Variants in MYEF2 observed in about 807,000 individuals in gnomAD.
MYEF2 encodes myelin expression factor 2.
Under a neutral mutation model 75.2 loss-of-function variants are expected in MYEF2, and 37 were observed. That is an observed-to-expected ratio of 0.49 (90% CI 0.38 to 0.65). The LOEUF is 0.65. Among genes scored for constraint, MYEF2 ranks in the 30% least tolerant of loss-of-function variants. The pLI is 0.00. For synonymous variants in MYEF2, 195 were observed against 241.6 expected (o/e 0.81, Z 1.79); for missense variants, 634 against 771.4 (o/e 0.82, Z 2.11).
rs745561921 is a variant in MYEF2 at position 48,159,433 on chromosome 15, C to CGT, written c.717+178_717+179dup. Among the ~76,000 whole-genome samples the CGT allele has an allele frequency of 2.2e-3, 337 of 150,394 alleles. 2 individuals are homozygous for CGT. Among genetic ancestry groups the CGT allele is most frequent in the African/African-American group, 6.6e-3 (273 of 41,120 alleles). Reference sequence around the variant, plus strand: ...GTTGTATTTAAACTCTAACCTTGTGCGTGTGTGTGTGTGTGTATATATATG... The same window carrying CGT: ...GTTGTATTTAAACTCTAACCTTGTGCGTGTGTGTGTGTGTGTGTATATATATG... On this transcript the variant is annotated intron_variant, in intron 6 of 16. Coordinates refer to ENST00000324324, the MANE Select transcript of MYEF2 (RefSeq NM_016132.5).
chr15:48,147,788 C>A (rs2039345549), intron 16 of MYEF2, among the ~76,000 whole-genome samples: 1 of 151,936 alleles, frequency 6.6e-6, no homozygotes, highest in African/African-American at 2.4e-5. Flanking sequence ...TCTTTGAGGG[C>A]AGGAGCATCT....
intron 1 of MYEF2, among the ~76,000 whole-genome samples, chr15:48,175,220 A>G (rs2140946279): frequency 6.6e-6 from 1 of 152,274 alleles, no homozygotes; most frequent in Non-Finnish European, 1.5e-5. Context: ...CAGACTCAGA[A>G]AGACAAATGC....
intron 6 of MYEF2, 123 bp from the exon 7 acceptor site, chr15:48,159,045 T>C (rs550739297): frequency 2.5e-6 from 2 of 793,782 alleles, no homozygotes; most frequent in African/African-American, 3.5e-5. Flanking sequence ...AACAATATAT[T>C]GATAATGTTC....
At chr15:48,147,616 T>C (rs1432268171) in intron 16 of MYEF2, among the ~76,000 whole-genome samples, 2 of 152,000 alleles carry the variant, frequency 1.3e-5, no homozygotes, top group Non-Finnish European at 2.9e-5. Flanking sequence ...AGAAGACCAA[T>C]ACCTCAAGGC....
At chr15:48,175,417 T>A (rs1048167704) in intron 1 of MYEF2, among the ~76,000 whole-genome samples, 2 of 152,142 alleles carry the variant, frequency 1.3e-5, no homozygotes, top group South Asian at 2.1e-4. Flanking sequence ...CTTAACATAT[T>A]TACTGTATAC....
At chr15:48,172,661 T>C (rs965957585) in intron 1 of MYEF2, among the ~76,000 whole-genome samples, 2 of 149,754 alleles carry the variant, frequency 1.3e-5, no homozygotes, top group African/African-American at 4.9e-5. Flanking sequence ...AATAGAAAAA[T>C]ATATAAAGAA....
At chr15:48,144,697 A>G (rs2039214972) in intron 16 of MYEF2, among the ~76,000 whole-genome samples, 1 of 151,944 alleles carries the variant, frequency 6.6e-6, no homozygotes, top group South Asian at 2.1e-4. Flanking sequence ...AGATAAATGC[A>G]GCACAATTTC....
intron 5 of MYEF2, among the ~76,000 whole-genome samples, chr15:48,161,694 T>C (rs756291516): frequency 2.6e-5 from 4 of 151,282 alleles, no homozygotes; most frequent in Non-Finnish European, 5.9e-5. Context: ...TGGAAGTTTA[T>C]TGGATGATAT....
chr15:48,154,544 T>G (rs1200822811), intron 9 of MYEF2, among the ~76,000 whole-genome samples: 1 of 152,134 alleles, frequency 6.6e-6, no homozygotes, highest in Non-Finnish European at 1.5e-5. Flanking sequence ...GACAGATTAC[T>G]TATAAAGAAA....
chr15:48,142,720 T>G lies in MYEF2; in HGVS notation c.*188A>C. ...ACTGAATGACCAGACTTGCTGTCTTTAAAAACCCAAACTTGAGATTAACAA... is the reference window on the plus strand; with the variant it reads ...ACTGAATGACCAGACTTGCTGTCTTGAAAAACCCAAACTTGAGATTAACAA... On this transcript the variant is annotated 3_prime_UTR_variant, in exon 17 of 17. Transcript: ENST00000324324. The G allele has an allele frequency of 1.7e-6, 1 of 573,106 alleles. No homozygotes were observed. Among genetic ancestry groups the G allele is most frequent in the South Asian group, 3.2e-5 (1 of 31,352 alleles). The allele number at this position is 573,106 out of a possible 1,614,324, so 35.5% of individuals were successfully genotyped here. A position where few individuals can be genotyped will look rare whatever the true frequency, so the allele number is the denominator to read the frequency against.
At position 48,139,417 on chromosome 15, in the gene MYEF2, A is replaced by G. The variant is rs2140756330; in HGVS notation, c.*3491T>C. 1 of 328,820 alleles carries G rather than the reference A, an allele frequency of 3.0e-6. No individual in the cohort carries two copies. Among genetic ancestry groups the G allele is most frequent in the Non-Finnish European group, 5.6e-6 (1 of 179,618 alleles). 20.4% of individuals were successfully genotyped at this position (328,820 alleles called of 1,614,324 possible). ...CCTGGGGTACAATTCAAGAGATCTT[A>G]TAAATGAAATCAAATTCATAGGATG... On this transcript the variant is annotated 3_prime_UTR_variant, in exon 17 of 17. Coordinates refer to ENST00000324324, the MANE Select transcript of MYEF2 (RefSeq NM_016132.5).
intron 9 of MYEF2, chr15:48,157,044 A>C (rs2039724775): frequency 6.6e-6 from 1 of 152,090 alleles, no homozygotes; most frequent in African/African-American, 2.4e-5. Flanking sequence ...GCATATGATA[A>C]CTATATGAGT....
At chr15:48,176,147 A>C (rs1181643432) in intron 1 of MYEF2, among the ~76,000 whole-genome samples, 1 of 150,622 alleles carries the variant, frequency 6.6e-6, no homozygotes, top group Non-Finnish European at 1.5e-5. Flanking sequence ...TATTTTTATT[A>C]TTAAAAGTAT....
chr15:48,145,442 G>T (rs1335145621), intron 16 of MYEF2, among the ~76,000 whole-genome samples: 1 of 151,788 alleles, frequency 6.6e-6, no homozygotes, highest in African/African-American at 2.4e-5. Flanking sequence ...AATCTTGTAC[G>T]ATTCCAAGAA....
At position 48,168,711 on chromosome 15, in the gene MYEF2, G is replaced by T. The variant is rs760126382; in HGVS notation, c.290C>A (p.Pro97Gln). The change falls in exon 2 of 17, where the codon CCA becomes CAA. Residue 97 changes from proline to glutamine, a missense_variant. By Grantham distance (76) the Pro-to-Gln change is moderately conservative (BLOSUM62 -1). Coordinates refer to ENST00000324324, the MANE Select transcript of MYEF2 (RefSeq NM_016132.5). ...KNSGAGEKKG[P>Q]NRNRVFISNI... ...GCTAATGAAAACTCTGTTACGATTTGGACCCTTCTTTTCTCCAGCGCCCGA... is the reference window on the plus strand; with the variant it reads ...GCTAATGAAAACTCTGTTACGATTTTGACCCTTCTTTTCTCCAGCGCCCGA... 1.2e-6 allele frequency: 2 copies of T among 1,613,652 alleles called. No homozygotes were observed. The highest frequency in any genetic ancestry group is 1.7e-6 in the Non-Finnish European group (2 of 1,179,836).
At chr15:48,177,936 G>A (rs2040609329) in intron 1 of MYEF2, 141 bp downstream of exon 1, 2 of 1,155,700 alleles carry the variant, frequency 1.7e-6, no homozygotes, top group Non-Finnish European at 2.4e-6. Flanking sequence ...AGCTGCACCT[G>A]CTCCTCAGGA....
chr15:48,136,461 T>TA lies in MYEF2; in HGVS notation c.*6446dup, dbSNP rs56091519. The TA allele has an allele frequency of 0.11, 32,171 of 300,572 alleles. 54 individuals are homozygous for TA. The highest frequency in any genetic ancestry group is 0.22 in the East Asian group (4,380 of 20,076). The allele number at this position is 300,572 out of a possible 1,614,324, so 18.6% of individuals were successfully genotyped here. On this transcript the variant is annotated 3_prime_UTR_variant, in exon 17 of 17. Transcript: ENST00000324324. ...AAAACGAGTTTGTTGATCTTGTTTTTAAAAAAAAAAAAACAACACAGAAGT... is the reference window on the plus strand; with the variant it reads ...AAAACGAGTTTGTTGATCTTGTTTTTAAAAAAAAAAAAAACAACACAGAAGT...
In MYEF2 at chr15:48,140,432, AG is replaced by A. The variant is rs1365609865; in HGVS notation, c.*2475del. On this transcript the variant is annotated 3_prime_UTR_variant, in exon 17 of 17. Coordinates refer to ENST00000324324, the MANE Select transcript of MYEF2 (RefSeq NM_016132.5). ...ACCAAGTTTTCAATTACAACATTAA[AG>A]GAACAGTTACATAACCTTTTGTTTA... 5 of 152,216 alleles carry A rather than the reference AG, an allele frequency of 3.3e-5. No individual in the cohort carries two copies. The highest frequency in any genetic ancestry group is 5.9e-5 in the Non-Finnish European group (4 of 68,018). The allele number at this position is 152,216 out of a possible 1,614,324, so 9.4% of individuals were successfully genotyped here.
intron 1 of MYEF2, among the ~76,000 whole-genome samples, chr15:48,176,947 G>A (rs1186891509): frequency 6.6e-6 from 1 of 152,184 alleles, no homozygotes; most frequent in East Asian, 1.9e-4. Flanking sequence ...GTGTCAAAGA[G>A]CTGGGGAGAG....
Sources: gnomAD v4.1 joint callset for allele counts (sites outside exome capture counted in the v4.1 genomes callset) on GRCh38, gnomAD v4.1.1 for gene constraint, MANE v1.5 for transcripts, NCBI Gene and HGNC (gene_info 2026-07-23, HGNC 2026-07-21) for gene names.